Variants in KSR1 observed in about 807,000 individuals in gnomAD.
KSR1 encodes the protein kinase suppressor of ras 1.
Under a neutral mutation model 92.9 loss-of-function variants are expected in KSR1, and 35 were observed. The observed-to-expected ratio is 0.38, with a 90% CI of 0.29 to 0.50. The LOEUF is 0.50. Among genes scored for constraint, KSR1 ranks in the 20% least tolerant of loss-of-function variants. KSR1 has a pLI of 0.94. For synonymous variants in KSR1, 467 were observed against 472.6 expected (o/e 0.99, Z 0.15); for missense variants, 972 against 1,158.5 (o/e 0.84, Z 2.34).
intron 11 of KSR1, among the ~76,000 whole-genome samples, chr17:27,602,271 G>A (rs981931419): frequency 1.3e-5 from 2 of 152,186 alleles, no homozygotes; most frequent in African/African-American, 4.8e-5. Flanking sequence ...GGTGTGTGCA[G>A]GGCAGCAGTC....
Position 27,490,162 on chromosome 17 carries a change from C to T in KSR1, c.231+33288C>T, listed in dbSNP as rs1014095196. On this transcript the variant is annotated intron_variant, in intron 1 of 20. Coordinates refer to ENST00000644974, the MANE Select transcript of KSR1 (RefSeq NM_001394583.1). The stretch of plus-strand genomic sequence containing the variant: ...CTTACAGAAATAACTTCTAAGTCTC[C>T]GTTTCTGCATTTGTACAAGGGGGCT... Among the ~76,000 whole-genome samples, 17 of 152,252 alleles carry T rather than the reference C, an allele frequency of 1.1e-4. No individual in the cohort carries two copies. In the East Asian group the frequency reaches 1.5e-3, roughly 14 times the overall value.
chr17:27,552,005 C>T (rs1367391174), intron 2 of KSR1, among the ~76,000 whole-genome samples: 4 of 152,190 alleles, frequency 2.6e-5, no homozygotes, highest in African/African-American at 9.7e-5. Context: ...TTCTCCTTTG[C>T]TCGGTAGACT....
intron 3 of KSR1, chr17:27,578,485 C>G (rs1443095010): frequency 1.3e-5 from 2 of 152,250 alleles, no homozygotes; most frequent in Admixed American, 1.3e-4. Context: ...CCGGCAGATG[C>G]TGAAAATAAA....
At chr17:27,564,410 A>G (rs1267880559) in intron 2 of KSR1, among the ~76,000 whole-genome samples, 3 of 152,226 alleles carry the variant, frequency 2.0e-5, no homozygotes, top group Non-Finnish European at 4.4e-5. Flanking sequence ...ATTCCTAGTT[A>G]GAACTTTTTT....
intron 1 of KSR1, among the ~76,000 whole-genome samples, chr17:27,494,345 A>G (rs1256962631): frequency 6.6e-6 from 1 of 152,154 alleles, no homozygotes; most frequent in Non-Finnish European, 1.5e-5. Flanking sequence ...TTTGTCTTGC[A>G]GTCCAAGCAG....
intron 6 of KSR1, among the ~76,000 whole-genome samples, chr17:27,589,222 C>CTTAG (rs1467092568): frequency 2.0e-5 from 3 of 152,194 alleles, no homozygotes; most frequent in Admixed American, 6.5e-5. Flanking sequence ...TCCTGTGAGG[C>CTTAG]TTAGCATTAA....
intron 2 of KSR1, chr17:27,566,511 C>T: frequency 5.0e-6 from 2 of 399,108 alleles, no homozygotes; most frequent in Non-Finnish European, 8.8e-6. Context: ...CACAGGGCCC[C>T]CACCTCTGGG....
chr17:27,612,805 G>C (rs1230145201), intron 18 of KSR1: 1 of 152,262 alleles, frequency 6.6e-6, no homozygotes, highest in African/African-American at 2.4e-5. Context: ...CAAACAGGCT[G>C]TGAGCTTCTT....
At chr17:27,477,129 C>G (rs540372240) in intron 1 of KSR1, among the ~76,000 whole-genome samples, 1 of 152,306 alleles carries the variant, frequency 6.6e-6, no homozygotes, top group Admixed American at 6.5e-5. Flanking sequence ...GGGAGTGTAG[C>G]AGTGAGAACA....
Position 27,456,769 on chromosome 17 carries a change from G to A in KSR1, c.126G>A (p.Gly42=). The A allele has an allele frequency of 6.4e-7, 1 of 1,564,996 alleles. No homozygotes were observed. Among genetic ancestry groups the A allele is most frequent in the South Asian group, 1.1e-5 (1 of 90,448 alleles). Residue 42 remains glycine, a synonymous_variant, in exon 1 of 21, where the codon GGG becomes GGA. Coordinates refer to ENST00000644974, the MANE Select transcript of KSR1 (RefSeq NM_001394583.1). ...AAASRALQQC[G]QLQKLIDISI... ...CCAGCCGGGCGCTGCAGCAGTGCGG[G>A]CAGCTCCAGAAGCTCATCGACATCT...
Position 27,577,866 on chromosome 17 carries a change from G to C in KSR1, c.520+227G>C, listed in dbSNP as rs2072579498. Reference sequence around the variant, plus strand: ...GCCGAATCTGAGGGGTTTCAGCCATGGTTAGAAATCCCAGGCCTGTCTGCT... The same window carrying C: ...GCCGAATCTGAGGGGTTTCAGCCATCGTTAGAAATCCCAGGCCTGTCTGCT... On this transcript the variant is annotated intron_variant, in intron 3 of 20. Coordinates refer to ENST00000644974, the MANE Select transcript of KSR1 (RefSeq NM_001394583.1). The surrounding 1 kb of genome is among the most constrained non-coding windows in gnomAD (Gnocchi z 4.5). 4 of 673,902 alleles carry C rather than the reference G, an allele frequency of 5.9e-6. No homozygotes were observed. Among genetic ancestry groups the C allele is most frequent in the African/African-American group, 1.8e-5 (1 of 56,460 alleles). 41.7% of individuals were successfully genotyped at this position (673,902 alleles called of 1,614,324 possible). A position where few individuals can be genotyped will look rare whatever the true frequency, so the allele number is the denominator to read the frequency against.
chr17:27,577,734 C>G lies in KSR1; in HGVS notation c.520+95C>G, dbSNP rs1567846247. ...GGGTGATGGAGCGGGGCAAGCGTGG[C>G]CCAGGGTTTCTGGGGCAGCCTGGAA... On this transcript the variant is annotated intron_variant, in intron 3 of 20. Coordinates refer to ENST00000644974, the MANE Select transcript of KSR1 (RefSeq NM_001394583.1). The surrounding 1 kb of genome is among the most constrained non-coding windows in gnomAD (Gnocchi z 4.5). 9.2e-7 allele frequency: 1 copy of G among 1,092,514 alleles called. No individual in the cohort carries two copies. Among genetic ancestry groups the G allele is most frequent in the African/African-American group, 1.5e-5 (1 of 64,566 alleles). The allele number at this position is 1,092,514 out of a possible 1,614,324, so 67.7% of individuals were successfully genotyped here.
chr17:27,586,663 G>C (rs1413097836), intron 5 of KSR1, among the ~76,000 whole-genome samples: 1 of 152,192 alleles, frequency 6.6e-6, no homozygotes, highest in African/African-American at 2.4e-5. Context: ...GTAACACGGG[G>C]ACTGGAGCAG....
Position 27,470,240 on chromosome 17 carries a change from GT to G in KSR1, c.231+13385del, listed in dbSNP as rs546302787. Among the ~76,000 whole-genome samples, 703 of 114,386 alleles carry G rather than the reference GT, an allele frequency of 6.1e-3. 1 individual carries two copies. Among genetic ancestry groups the G allele is most frequent in the East Asian group, 0.011 (45 of 4,126 alleles). 75.0% of individuals were successfully genotyped at this position (114,386 alleles called of 152,430 possible). On this transcript the variant is annotated intron_variant, in intron 1 of 20. Transcript: ENST00000644974. ...CCAGCTAAGTTTTGTTTTTGTTTGTGTTTTTTTTTTTTTTTTTTTGAGACAG... is the reference window on the plus strand; with the variant it reads ...CCAGCTAAGTTTTGTTTTTGTTTGTGTTTTTTTTTTTTTTTTTTGAGACAG...
At position 27,536,026 on chromosome 17, in the gene KSR1, G is replaced by A. The variant is rs548923055; in HGVS notation, c.232-14542G>A. ...TGCTTTCTGTCTGACCCACCTCCACGGGTGTGGGGAAGAGTTGGAGATGGT... is the reference window on the plus strand; with the variant it reads ...TGCTTTCTGTCTGACCCACCTCCACAGGTGTGGGGAAGAGTTGGAGATGGT... On this transcript the variant is annotated intron_variant, in intron 1 of 20. Transcript: ENST00000644974. Among the ~76,000 whole-genome samples, 8 of 152,328 alleles carry A rather than the reference G, an allele frequency of 5.3e-5. No homozygotes were observed. The East Asian group carries it at 7.7e-4, about 15-fold the overall frequency.
intron 1 of KSR1, among the ~76,000 whole-genome samples, chr17:27,491,453 G>A (rs572905292): frequency 1.3e-5 from 2 of 152,084 alleles, no homozygotes; most frequent in East Asian, 1.9e-4. Flanking sequence ...GCCTCCCAAA[G>A]TGCTGGGATT....
chr17:27,594,592 A>G (rs2151200554), intron 9 of KSR1, among the ~76,000 whole-genome samples: 2 of 152,260 alleles, frequency 1.3e-5, no homozygotes, highest in South Asian at 4.1e-4. Flanking sequence ...GAGGCCTCTC[A>G]TCTCTGAGAG....
chr17:27,515,316 A>G (rs2069746802), intron 1 of KSR1, among the ~76,000 whole-genome samples: 2 of 152,106 alleles, frequency 1.3e-5, no homozygotes, highest in South Asian at 4.1e-4. Flanking sequence ...CTGTGTTCTG[A>G]TATGTTTAGA....
intron 5 of KSR1, 184 bp downstream of exon 5, chr17:27,585,845 G>A: frequency 1.6e-6 from 1 of 632,818 alleles, no homozygotes; most frequent in Admixed American, 2.3e-5. Context: ...AAAGTGACTG[G>A]CTGGCTTCAG....
Sources: gnomAD v4.1 joint callset for allele counts (sites outside exome capture counted in the v4.1 genomes callset) on GRCh38, gnomAD v4.1.1 for gene constraint, Gnocchi (gnomAD v3.1) non-coding constraint, MANE v1.5 for transcripts, NCBI Gene and HGNC (gene_info 2026-07-23, HGNC 2026-07-21) for gene names.